HCFC2: variants seen among roughly 807,000 people sequenced by gnomAD.
HCFC2 encodes host cell factor 2.
A neutral mutation model predicts 89.2 loss-of-function variants in HCFC2; 18 were observed. The ratio of observed to expected loss-of-function variants is 0.20; its 90% CI spans 0.14 to 0.30. The LOEUF (loss-of-function observed/expected upper bound fraction) is 0.30, where lower values mean the gene tolerates loss of function less well. Among genes scored for constraint, HCFC2 ranks in the 10% least tolerant of loss-of-function variants. HCFC2 has a pLI of 1.00. For synonymous variants in HCFC2, 308 were observed against 335.7 expected (o/e 0.92, Z 0.90); for missense variants, 578 against 956.1 (o/e 0.60, Z 5.21).
rs934441042 is a variant in HCFC2, at chr12:104,105,977, T to C, written c.*2704T>C. On this transcript the variant is annotated 3_prime_UTR_variant, in exon 15 of 15. Transcript: ENST00000229330. Reference sequence around the variant, plus strand: ...GGCTCTCATAAGTAGTAAAAATATTTTTGATGTTGCATGCTCTCAGAATTA... The same window carrying C: ...GGCTCTCATAAGTAGTAAAAATATTCTTGATGTTGCATGCTCTCAGAATTA... The C allele has an allele frequency of 2.0e-5, 3 of 152,142 alleles. No homozygotes were observed. Among genetic ancestry groups the C allele is most frequent in the Admixed American group, 2.0e-4 (3 of 15,272 alleles). The allele number at this position is 152,142 out of a possible 1,614,324, so 9.4% of individuals were successfully genotyped here.
At chr12:104,083,868 CAA>C (rs1012166833) in intron 7 of HCFC2, among the ~76,000 whole-genome samples, 1 of 152,074 alleles carries the variant, frequency 6.6e-6, no homozygotes, top group East Asian at 1.9e-4. Context: ...CTCTACCAAA[CAA>C]AAAATTAGCC....
chr12:104,072,952 T>C (rs1883374711), intron 3 of HCFC2, among the ~76,000 whole-genome samples: 1 of 151,778 alleles, frequency 6.6e-6, no homozygotes, highest in Non-Finnish European at 1.5e-5. Context: ...CCGATTTGGT[T>C]TCTTAATTTC....
rs977087028 is a variant in HCFC2 at position 104,103,927 on chromosome 12, A to G, written c.*654A>G. The G allele has an allele frequency of 1.3e-5, 2 of 152,122 alleles. No individual in the cohort carries two copies. The highest frequency in any genetic ancestry group is 4.8e-5 in the African/African-American group (2 of 41,462). The allele number at this position is 152,122 out of a possible 1,614,324, so 9.4% of individuals were successfully genotyped here. A position where few individuals can be genotyped will look rare whatever the true frequency, so the allele number is the denominator to read the frequency against. On this transcript the variant is annotated 3_prime_UTR_variant, in exon 15 of 15. Coordinates refer to ENST00000229330, the MANE Select transcript of HCFC2 (RefSeq NM_013320.3). ...ACAATGAGTTTTCTTGATTCTTACC[A>G]GGCCAATATATTTGAATATATTTTT...
chr12:104,093,657 A>G, intron 10 of HCFC2, 94 bp downstream of exon 10: 1 of 1,148,378 alleles, frequency 8.7e-7, no homozygotes, highest in Non-Finnish European at 1.2e-6. Context: ...GTTTTGATCC[A>G]TTTTCCTAAT....
Position 104,079,475 on chromosome 12 carries a change from A to C in HCFC2, c.504A>C (p.Leu168=), listed in dbSNP as rs756604761. 6.2e-7 allele frequency: 1 copy of C among 1,614,064 alleles called. No homozygotes were observed. Among genetic ancestry groups the C allele is most frequent in the South Asian group, 1.1e-5 (1 of 91,044 alleles). ...TAAATGATTTTTATGAGTTGGAGCTACAGCATGGCTCTGGTGTTGTGGGTT... is the reference window on the plus strand; with the variant it reads ...TAAATGATTTTTATGAGTTGGAGCTCCAGCATGGCTCTGGTGTTGTGGGTT... ...RYLNDFYELE[L]QHGSGVVGWS... is the part of the protein sequence containing the mutation. Residue 168 remains leucine, a synonymous_variant, in exon 4 of 15, where the codon CTA becomes CTC. Coordinates refer to ENST00000229330, the MANE Select transcript of HCFC2 (RefSeq NM_013320.3).
Position 104,068,000 on chromosome 12 carries a change from A to G in HCFC2, c.366A>G (p.Leu122=). The change falls in exon 3 of 15, where the codon TTA becomes TTG. Residue 122 remains leucine, a synonymous_variant. Transcript: ENST00000229330. ...KVKPHPPPSG[L]PPCPRLGHSF... is the part of the protein sequence containing the mutation. ...AACCCCATCCCCCTCCTTCTGGTTT[A>G]CCTCCTTGTCCTCGGCTTGGACATA... 6.2e-7 allele frequency: 1 copy of G among 1,607,008 alleles called. No individual in the cohort carries two copies. Among genetic ancestry groups the G allele is most frequent in the African/African-American group, 1.4e-5 (1 of 73,986 alleles).
chr12:104,092,323 G>A (rs1884044092), intron 9 of HCFC2, among the ~76,000 whole-genome samples: 1 of 151,954 alleles, frequency 6.6e-6, no homozygotes, highest in South Asian at 2.1e-4. Flanking sequence ...AAAATTAGCT[G>A]GGCATGCTGG....
Position 104,102,505 on chromosome 12 carries a change from G to C in HCFC2, c.2064+352G>C, listed in dbSNP as rs149561503. Among the ~76,000 whole-genome samples, 1,126 of 152,094 alleles carry C rather than the reference G, an allele frequency of 7.4e-3. 20 individuals are homozygous for C. The highest frequency in any genetic ancestry group is 0.074 in the South Asian group (355 of 4,808). On this transcript the variant is annotated intron_variant, in intron 14 of 14. Transcript: ENST00000229330. ...TCTCTGATAGGCCCCAATGTGTGTT[G>C]TCTCCCTCTATGTGTCCATGTGATT... is the stretch of plus-strand genomic sequence containing the variant.
In HCFC2 at chr12:104,105,970, A is replaced by G. The variant is rs774355999; in HGVS notation, c.*2697A>G. On this transcript the variant is annotated 3_prime_UTR_variant, in exon 15 of 15. Coordinates refer to ENST00000229330, the MANE Select transcript of HCFC2 (RefSeq NM_013320.3). ...CAACTCTGGCTCTCATAAGTAGTAA[A>G]AATATTTTTGATGTTGCATGCTCTC... is the stretch of plus-strand genomic sequence containing the variant. 2 of 152,094 alleles carry G rather than the reference A, an allele frequency of 1.3e-5. No homozygotes were observed. Among genetic ancestry groups the G allele is most frequent in the Non-Finnish European group, 2.9e-5 (2 of 67,958 alleles). 9.4% of individuals were successfully genotyped at this position (152,094 alleles called of 1,614,324 possible).
chr12:104,074,456 G>T (rs374284115), intron 3 of HCFC2, among the ~76,000 whole-genome samples: 9 of 152,138 alleles, frequency 5.9e-5, no homozygotes, highest in Non-Finnish European at 1.3e-4. Flanking sequence ...CGCCATGCCT[G>T]GCCAAAATGT....
intron 9 of HCFC2, among the ~76,000 whole-genome samples, chr12:104,088,890 T>G (rs1883943446): frequency 6.6e-6 from 1 of 152,188 alleles, no homozygotes; most frequent in South Asian, 2.1e-4. Flanking sequence ...CTGTAAAGCT[T>G]ATGATGAAGA....
At chr12:104,102,325 CTTTTA>C (rs1336255220) in intron 14 of HCFC2, among the ~76,000 whole-genome samples, 172 bp downstream of exon 14, 11 of 151,844 alleles carry the variant, frequency 7.2e-5, no homozygotes, top group Admixed American at 2.6e-4. Context: ...TTTTTTTTAA[CTTTTA>C]TTTTAAGTTC....
At chr12:104,094,896 G>A (rs1040897192) in intron 10 of HCFC2, among the ~76,000 whole-genome samples, 4 of 152,130 alleles carry the variant, frequency 2.6e-5, no homozygotes, top group African/African-American at 7.2e-5. Context: ...GGGAAGGAAT[G>A]GGACCAAGAG....
rs202024728 is a variant in HCFC2, at chr12:104,077,866, AT to A, written c.474-1577del. ...TTCCAGGTTATGATAAATATTAAAA[AT>A]TAACTTTGTAGTAAGTTCTTCTTAG... On this transcript the variant is annotated intron_variant, in intron 3 of 14. Coordinates refer to ENST00000229330, the MANE Select transcript of HCFC2 (RefSeq NM_013320.3). 9.4e-3 allele frequency among the ~76,000 whole-genome samples: 1,425 copies of A among 152,272 alleles called. 21 individuals carry two copies. Among genetic ancestry groups the A allele is most frequent in the Middle Eastern group, 0.024 (7 of 294 alleles).
intron 3 of HCFC2, among the ~76,000 whole-genome samples, chr12:104,077,877 A>G (rs1273738444): frequency 2.0e-5 from 3 of 152,136 alleles, no homozygotes; most frequent in South Asian, 4.1e-4. Flanking sequence ...TTAACTTTGT[A>G]GTAAGTTCTT....
Position 104,068,421 on chromosome 12 carries a change from C to T in HCFC2, c.473+314C>T, listed in dbSNP as rs1318726686. Among the ~76,000 whole-genome samples, 7 of 152,040 alleles carry T rather than the reference C, an allele frequency of 4.6e-5. No homozygotes were observed. Among genetic ancestry groups the T allele is most frequent in the African/African-American group, 1.7e-4 (7 of 41,414 alleles). ...TATTTGTATATATTGAGCCATAATG[C>T]ATTTTAGCTGCCTCATAAATGATAA... On this transcript the variant is annotated intron_variant, in intron 3 of 14. Transcript: ENST00000229330. The surrounding 1 kb of genome is among the most constrained non-coding windows in gnomAD (Gnocchi z 4.1).
rs771185246 is a variant in HCFC2 at position 104,096,403 on chromosome 12, A to G, written c.1710A>G (p.Val570=). 21 of 1,609,020 alleles carry G rather than the reference A, an allele frequency of 1.3e-5. No homozygotes were observed. The highest frequency in any genetic ancestry group is 1.7e-4 in the Middle Eastern group (1 of 6,044). Residue 570 remains valine (V), a synonymous_variant, in exon 12 of 15, where the codon GTA becomes GTG. Transcript: ENST00000229330. ...YALPATKISR[V]ETHATATPFS... ...TGCCTGCAACGAAGATCAGCCGTGT[A>G]GAGACACATGCTACAGCAACGCCGT...
chr12:104,091,026 G>A (rs7979123), intron 9 of HCFC2: 21,647 of 152,074 alleles, frequency 0.14, 1,603 homozygotes, highest in Middle Eastern at 0.21. Context: ...TATGAGCCTG[G>A]CTATCAGAAT....
Position 104,095,353 on chromosome 12 carries a change from A to G in HCFC2, c.1463-7A>G. Reference sequence around the variant, plus strand: ...TATTAATAATTACCTTTTCCCTTTTATTTTAGGTCCTCACACTTCAGCAAA... The same window carrying G: ...TATTAATAATTACCTTTTCCCTTTTGTTTTAGGTCCTCACACTTCAGCAAA... On this transcript the variant is annotated splice_region_variant and splice_polypyrimidine_tract_variant and intron_variant, in intron 10 of 14. Transcript: ENST00000229330. This position sits in a 1 kb window ranked among gnomAD's most constrained non-coding sequence, Gnocchi z 4.2. 6.2e-7 allele frequency: 1 copy of G among 1,604,524 alleles called. No individual in the cohort carries two copies. The highest frequency in any genetic ancestry group is 8.5e-7 in the Non-Finnish European group (1 of 1,171,850).
Sources: gnomAD v4.1 joint callset for allele counts (sites outside exome capture counted in the v4.1 genomes callset) on GRCh38, gnomAD v4.1.1 for gene constraint, Gnocchi (gnomAD v3.1) non-coding constraint, MANE v1.5 for transcripts, NCBI Gene and HGNC (gene_info 2026-07-23, HGNC 2026-07-21) for gene names.